The following RAPGEF2 variants were observed in gnomAD, a reference collection of about 807,000 sequenced individuals.
The protein encoded by RAPGEF2 is PDZ domain containing guanine nucleotide exchange factor (GEF) 1.
Under a neutral mutation model 186.7 loss-of-function variants are expected in RAPGEF2, and 54 were observed. The observed-to-expected ratio is 0.29, with a 90% CI of 0.23 to 0.36. The LOEUF (loss-of-function observed/expected upper bound fraction) is 0.36. Among genes scored for constraint, RAPGEF2 ranks in the 10% least tolerant of loss-of-function variants. RAPGEF2 has a pLI of 1.00. For synonymous variants in RAPGEF2, 712 were observed against 705.9 expected, an observed-to-expected ratio of 1.01 and a Z score of -0.14; for missense variants, 1,532 against 2,045.0, an observed-to-expected ratio of 0.75 and a Z score of 4.84.
intron 9 of RAPGEF2, among the ~76,000 whole-genome samples, chr4:159,316,142 G>A (rs1431770064): frequency 6.6e-6 from 1 of 152,178 alleles, no homozygotes; most frequent in African/African-American, 2.4e-5. Context: ...CCCTGTCTGG[G>A]CGTAACAGAA....
chr4:159,214,648 T>A (rs1479189245), intron 4 of RAPGEF2, among the ~76,000 whole-genome samples: 1 of 152,182 alleles, frequency 6.6e-6, no homozygotes, highest in East Asian at 1.9e-4. Context: ...CAACATATTA[T>A]TTTTTGCCTG....
rs1426031137 is a variant in RAPGEF2, at chr4:159,137,572, C to CCATAGTAGCTA, written c.69+33350_69+33351insTACATAGTAGC. Among the ~76,000 whole-genome samples the CCATAGTAGCTA allele has an allele frequency of 2.6e-5, 4 of 152,020 alleles. No individual in the cohort carries two copies. In the East Asian group the frequency reaches 7.7e-4, roughly 29 times the overall value. On this transcript the variant is annotated intron_variant, in intron 1 of 29. Transcript: ENST00000691494. ...ATACAGTTTAATCCATAACATGTAA[C>CCATAGTAGCTA]CATAGTAGCATCTTTAATACTGGGG...
At chr4:159,163,822 A>T (rs1399635606) in intron 1 of RAPGEF2, among the ~76,000 whole-genome samples, 1 of 152,326 alleles carries the variant, frequency 6.6e-6, no homozygotes, top group Non-Finnish European at 1.5e-5. Flanking sequence ...AAACAAAGGG[A>T]TTATTACATC....
rs961553407 is a variant in RAPGEF2 at position 159,273,184 on chromosome 4, A to G, written c.543+29393A>G. On this transcript the variant is annotated intron_variant, in intron 7 of 29. Coordinates refer to ENST00000691494, the MANE Select transcript of RAPGEF2 (RefSeq NM_001394067.2). The stretch of plus-strand genomic sequence containing the variant: ...AGATGAAATAAACTTATCTCTTGGC[A>G]TGATTTTCCACTGTGCTTGCTAGCA... Among the ~76,000 whole-genome samples, 5 of 152,220 alleles carry G rather than the reference A, an allele frequency of 3.3e-5. No homozygotes were observed. In the East Asian group the frequency reaches 9.6e-4, roughly 29 times the overall value.
chr4:159,322,765 T>G (rs923154237), intron 10 of RAPGEF2, among the ~76,000 whole-genome samples: 1 of 152,180 alleles, frequency 6.6e-6, no homozygotes, highest in East Asian at 1.9e-4. Flanking sequence ...TGAAAGGCAC[T>G]TCTTACATGG....
chr4:159,140,881 G>A (rs1385387251), intron 1 of RAPGEF2, among the ~76,000 whole-genome samples: 4 of 151,602 alleles, frequency 2.6e-5, no homozygotes, highest in African/African-American at 7.3e-5. Flanking sequence ...GCCCAGGCTG[G>A]AGTGTAGTGG....
intron 1 of RAPGEF2, among the ~76,000 whole-genome samples, chr4:159,109,412 G>A (rs1738248300): frequency 6.6e-6 from 1 of 152,156 alleles, no homozygotes; most frequent in Non-Finnish European, 1.5e-5. Flanking sequence ...CGTATTTTAT[G>A]GGGTATTCCT....
chr4:159,239,331 A>G (rs1753669785), intron 5 of RAPGEF2, among the ~76,000 whole-genome samples: 1 of 152,182 alleles, frequency 6.6e-6, no homozygotes, highest in Non-Finnish European at 1.5e-5. Flanking sequence ...GAATAACCAA[A>G]TGGAACTTGT....
At chr4:159,113,221 C>T (rs1334028019) in intron 1 of RAPGEF2, among the ~76,000 whole-genome samples, 1 of 152,134 alleles carries the variant, frequency 6.6e-6, no homozygotes, top group Non-Finnish European at 1.5e-5. Flanking sequence ...AACAAAAAAA[C>T]ATTATTAGGA....
intron 7 of RAPGEF2, chr4:159,267,129 G>A: frequency 8.0e-7 from 1 of 1,256,112 alleles, no homozygotes; most frequent in Non-Finnish European, 1.0e-6. Context: ...CACTAGAACT[G>A]CATTGAGTGT....
rs188239764 is a variant in RAPGEF2 at position 159,168,490 on chromosome 4, C to G, written c.70-18152C>G. Among the ~76,000 whole-genome samples the G allele has an allele frequency of 2.1e-3, 323 of 151,564 alleles. 4 individuals are homozygous for G. Among genetic ancestry groups the G allele is most frequent in the African/African-American group, 7.3e-3 (301 of 41,256 alleles). ...ATTGCAAAGGAGGCAGACTAGATGC[C>G]GGGCAGCCAGGCCCCACACATGGTT... is the stretch of plus-strand genomic sequence containing the variant. On this transcript the variant is annotated intron_variant, in intron 1 of 29. Transcript: ENST00000691494.
At chr4:159,108,848 C>T (rs1738185866) in intron 1 of RAPGEF2, among the ~76,000 whole-genome samples, 1 of 152,056 alleles carries the variant, frequency 6.6e-6, no homozygotes, top group South Asian at 2.1e-4. Context: ...CCTCGAGTAA[C>T]TGGGTCTACA....
At chr4:159,148,303 G>C (rs1743158941) in intron 1 of RAPGEF2, among the ~76,000 whole-genome samples, 1 of 152,112 alleles carries the variant, frequency 6.6e-6, no homozygotes, top group Non-Finnish European at 1.5e-5. Flanking sequence ...TTAAAGTATA[G>C]ACAGTTAGGC....
At chr4:159,241,402 TC>T (rs1241992651) in intron 6 of RAPGEF2, 34 bp downstream of exon 6, 1 of 1,264,306 alleles carries the variant, frequency 7.9e-7, no homozygotes, top group East Asian at 2.9e-5. Flanking sequence ...TTTATTTATT[TC>T]TAGTTTTTTG....
intron 1 of RAPGEF2, among the ~76,000 whole-genome samples, chr4:159,108,932 T>G (rs1236858324): frequency 6.6e-6 from 1 of 152,078 alleles, no homozygotes; most frequent in East Asian, 1.9e-4. Flanking sequence ...TTGCCTAGAC[T>G]GGTCATGAAG....
At chr4:159,172,150 A>G (rs1034532068) in intron 1 of RAPGEF2, among the ~76,000 whole-genome samples, 2 of 152,210 alleles carry the variant, frequency 1.3e-5, no homozygotes, top group African/African-American at 4.8e-5. Flanking sequence ...ACTAGTGAGA[A>G]TTCTCTGGTG....
Position 159,343,295 on chromosome 4 carries a change from G to A in RAPGEF2, c.3145G>A (p.Val1049Ile), listed in dbSNP as rs769980470. ...GTCAATTTCAGGAAATGACTCAAAA[G>A]TAGACGGGCTGGTCAATTTTGAGAA... ...TFLHEGNDSK[V>I]DGLVNFEKLR... Residue 1049 changes from valine to isoleucine, a missense_variant, in exon 22 of 30, where the codon GTA becomes ATA. Transcript: ENST00000691494. The A allele has an allele frequency of 1.2e-6, 2 of 1,614,020 alleles. No individual in the cohort carries two copies. Among genetic ancestry groups the A allele is most frequent in the East Asian group, 2.2e-5 (1 of 44,878 alleles).
intron 4 of RAPGEF2, among the ~76,000 whole-genome samples, chr4:159,217,864 T>C (rs543465000): frequency 1.1e-4 from 17 of 152,354 alleles, no homozygotes; most frequent in African/African-American, 4.1e-4. Context: ...TGGTGTGAGA[T>C]GGTATCTCAC....
chr4:159,185,262 G>A (rs1747444226), intron 1 of RAPGEF2, among the ~76,000 whole-genome samples: 1 of 152,130 alleles, frequency 6.6e-6, no homozygotes. Flanking sequence ...AGTTTGGCAG[G>A]TCCTTAAAGA....
Sources: gnomAD v4.1 joint callset for allele counts (sites outside exome capture counted in the v4.1 genomes callset) on GRCh38, gnomAD v4.1.1 for gene constraint, MANE v1.5 for transcripts, NCBI Gene and HGNC (gene_info 2026-07-23, HGNC 2026-07-21) for gene names.